The following ZNF503 variants were observed in gnomAD, a reference collection of about 807,000 sequenced individuals.
The protein encoded by ZNF503 is NocA-like zinc finger 2.
Under a neutral mutation model 34.4 loss-of-function variants are expected in ZNF503, and 15 were observed. The ratio of observed to expected loss-of-function variants is 0.44; its 90% CI spans 0.29 to 0.67. The LOEUF is 0.67. Ranked by LOEUF, ZNF503 falls within the 30% of genes least tolerant of loss-of-function variation. The pLI is 0.13. For missense variants in ZNF503, 1,007 were observed against 926.8 expected (o/e 1.09, Z -1.12); for synonymous variants, 580 against 456.8 (o/e 1.27, Z -3.44).
the ZNF503 span, among the ~76,000 whole-genome samples, chr10:75,294,656 C>A: frequency 6.8e-6 from 1 of 146,744 alleles, no homozygotes; most frequent in African/African-American, 2.5e-5. Flanking sequence ...CGCCCAAGGG[C>A]AGGGGCAGGG....
At chr10:75,302,491 G>A in the ZNF503 span, among the ~76,000 whole-genome samples, 2 of 152,132 alleles carry the variant, frequency 1.3e-5, no homozygotes, top group Non-Finnish European at 2.9e-5. Flanking sequence ...TTACAGATAT[G>A]TGGGTACCCT....
At chr10:75,364,993 G>T in the ZNF503 span, among the ~76,000 whole-genome samples, 1 of 152,214 alleles carries the variant, frequency 6.6e-6, no homozygotes, top group Non-Finnish European at 1.5e-5. Context: ...AGCAGCACTT[G>T]TGATATCTGG....
At chr10:75,291,133 C>A in the ZNF503 span, among the ~76,000 whole-genome samples, 1 of 152,150 alleles carries the variant, frequency 6.6e-6, no homozygotes, top group Non-Finnish European at 1.5e-5. Flanking sequence ...ATGTGTCAGG[C>A]CTCTCAGTGT....
the ZNF503 span, among the ~76,000 whole-genome samples, chr10:75,384,464 C>G: frequency 6.6e-6 from 1 of 152,144 alleles, no homozygotes; most frequent in Non-Finnish European, 1.5e-5. Flanking sequence ...GTAAGTTTGT[C>G]CCTCATCACA....
the ZNF503 span, among the ~76,000 whole-genome samples, chr10:75,387,135 GGTTGT>G: frequency 2.6e-5 from 4 of 152,230 alleles, no homozygotes; most frequent in African/African-American, 9.6e-5. Context: ...AGGTGATCAG[GGTTGT>G]CTTCCCTCTG....
the ZNF503 span, among the ~76,000 whole-genome samples, chr10:75,320,445 C>T: frequency 6.6e-6 from 1 of 152,114 alleles, no homozygotes; most frequent in African/African-American, 2.4e-5. Context: ...CGCACCACTG[C>T]ACTCCAGCAC....
the ZNF503 span, among the ~76,000 whole-genome samples, chr10:75,306,550 A>G: frequency 6.6e-6 from 1 of 152,054 alleles, no homozygotes; most frequent in Non-Finnish European, 1.5e-5. Context: ...TTTAATTTTC[A>G]TGATGTTGAA....
At chr10:75,350,369 A>T in the ZNF503 span, 9 of 152,312 alleles carry the variant, frequency 5.9e-5, 1 homozygote, top group South Asian at 1.9e-3. Context: ...AGCAACAGAG[A>T]AAGCAGAAGC....
the ZNF503 span, among the ~76,000 whole-genome samples, chr10:75,379,245 G>A: frequency 3.3e-5 from 5 of 152,230 alleles, no homozygotes; most frequent in African/African-American, 4.8e-5. Flanking sequence ...TGCATGCTAC[G>A]AGCCCTATTA....
At chr10:75,387,200 C>T in the ZNF503 span, among the ~76,000 whole-genome samples, 1 of 152,246 alleles carries the variant, frequency 6.6e-6, no homozygotes. Context: ...GGGTGCTGTC[C>T]TCCTCACACT....
At chr10:75,387,514 G>A in the ZNF503 span, among the ~76,000 whole-genome samples, 1 of 152,196 alleles carries the variant, frequency 6.6e-6, no homozygotes, top group Admixed American at 6.5e-5. Flanking sequence ...CAAATAAAGT[G>A]CTCACTAAAT....
the ZNF503 span, among the ~76,000 whole-genome samples, chr10:75,366,437 G>A: frequency 2.0e-5 from 3 of 152,218 alleles, no homozygotes; most frequent in Admixed American, 2.0e-4. Flanking sequence ...TGGTGTGGCA[G>A]GATGGTGATT....
At chr10:75,298,839 G>A in the ZNF503 span, 1 of 151,808 alleles carries the variant, frequency 6.6e-6, no homozygotes, top group Admixed American at 6.6e-5. Context: ...GCCCAGGCTG[G>A]TCTTGAACTC....
the ZNF503 span, among the ~76,000 whole-genome samples, chr10:75,327,219 T>A: frequency 6.6e-6 from 1 of 152,308 alleles, no homozygotes; most frequent in African/African-American, 2.4e-5. Flanking sequence ...TTAACCAACC[T>A]TTGGCTATTC....
At chr10:75,315,874 T>G in the ZNF503 span, among the ~76,000 whole-genome samples, 16 of 152,152 alleles carry the variant, frequency 1.1e-4, no homozygotes, top group African/African-American at 3.9e-4. Flanking sequence ...ACACACAGAT[T>G]GAAAGTGAAG....
chr10:75,283,199 G>A, the ZNF503 span: 7 of 152,232 alleles, frequency 4.6e-5, no homozygotes, highest in South Asian at 2.1e-4. Context: ...TTTCCCACCC[G>A]GGACTTTCAG....
At chr10:75,369,838 G>A in the ZNF503 span, among the ~76,000 whole-genome samples, 2 of 151,942 alleles carry the variant, frequency 1.3e-5, no homozygotes, top group Non-Finnish European at 2.9e-5. Context: ...AGGCCGAGGT[G>A]GGCAGATCAC....
In ZNF503 at chr10:75,398,764, C is replaced by T. The variant is rs1363447786; in HGVS notation, c.1926G>A (p.Ala642=). ...LYGQRLTTAS[A]LGYQ The stretch of plus-strand genomic sequence containing the variant: ...CCGGCCGCCCTCACTGATACCCCAG[C>T]GCCGAGGCGGTGGTCAGTCTCTGTC... The change falls in exon 2 of 2, where the codon GCG becomes GCA. Residue 642 remains alanine, a synonymous_variant. Coordinates refer to ENST00000372524, the MANE Select transcript of ZNF503 (RefSeq NM_032772.6). The T allele has an allele frequency of 4.2e-6, 6 of 1,413,860 alleles. No individual in the cohort carries two copies. Among genetic ancestry groups the T allele is most frequent in the Non-Finnish European group, 5.5e-6 (6 of 1,088,456 alleles). The allele number at this position is 1,413,860 out of a possible 1,614,324, so 87.6% of individuals were successfully genotyped here.
the ZNF503 span, among the ~76,000 whole-genome samples, chr10:75,389,540 G>A: frequency 6.6e-6 from 1 of 152,128 alleles, no homozygotes; most frequent in African/African-American, 2.4e-5. Context: ...GACCAGCTTG[G>A]CCAACATGGT....
Sources: gnomAD v4.1 joint callset for allele counts (sites outside exome capture counted in the v4.1 genomes callset) on GRCh38, gnomAD v4.1.1 for gene constraint, MANE v1.5 for transcripts, NCBI Gene and HGNC (gene_info 2026-07-23, HGNC 2026-07-21) for gene names.